The following BRI3 variants were observed in gnomAD, a reference collection of about 807,000 sequenced individuals.
The protein encoded by BRI3 is membrane protein BRI3.
A neutral mutation model predicts 12.8 loss-of-function variants in BRI3; 6 were observed. That is an observed-to-expected ratio of 0.47 (90% confidence interval 0.26 to 0.93). The LOEUF (loss-of-function observed/expected upper bound fraction) is 0.93. Among genes scored for constraint, BRI3 ranks in the 40% least tolerant of loss-of-function variants. BRI3 has a pLI of 0.15. For missense variants in BRI3, 134 were observed against 171.1 expected (o/e 0.78, Z 1.21); for synonymous variants, 91 against 76.1 (o/e 1.20, Z -1.02).
chr7:98,311,776 C>A (rs1254806095), downstream of BRI3, among the ~76,000 whole-genome samples: 2 of 151,862 alleles, frequency 1.3e-5, no homozygotes, highest in African/African-American at 4.8e-5. Flanking sequence ...CATGGTGGTG[C>A]GCCCCAGTAA....
At chr7:98,317,200 A>C in the BRI3 span, 1 of 1,614,008 alleles carries the variant, frequency 6.2e-7, no homozygotes, top group Non-Finnish European at 8.5e-7. Context: ...AGAAAACAAG[A>C]TATTGTTGAA....
chr7:98,281,930 C>T lies in BRI3; in HGVS notation c.135C>T (p.Leu45=), dbSNP rs370291662. 2.6e-4 allele frequency: 341 copies of T among 1,313,834 alleles called. 1 individual carries two copies. In the African/African-American group the frequency reaches 4.6e-3, roughly 18 times the overall value. 81.4% of individuals were successfully genotyped at this position (1,313,834 alleles called of 1,614,324 possible). Residue 45 remains leucine, a synonymous_variant, in exon 1 of 3, where the codon CTC becomes CTT. Transcript: ENST00000297290. ...AAPPPPPYPY[L]VTGIPTHHPR... ...CCCCGCCGCCGCCCTACCCCTACCT[C>T]GTCACAGGTGGGCCCGTAACCAACT...
At chr7:98,290,965 G>T (rs1280849917) in intron 2 of BRI3, 146 bp from the exon 3 acceptor site, 2 of 706,538 alleles carry the variant, frequency 2.8e-6, no homozygotes, top group Non-Finnish European at 4.3e-6. Context: ...GGGTGGTGGG[G>T]TGGGGGGCTG....
chr7:98,317,280 T>G, the BRI3 span: 1 of 1,614,198 alleles, frequency 6.2e-7, no homozygotes, highest in South Asian at 1.1e-5. Context: ...CCTTCTGATC[T>G]TCTTCAACTC....
the BRI3 span, among the ~76,000 whole-genome samples, chr7:98,318,970 G>A: frequency 1.1e-4 from 17 of 151,162 alleles, no homozygotes; most frequent in African/African-American, 3.4e-4. Context: ...AAAGAATGGT[G>A]TCTATGTTTT....
chr7:98,282,218 G>C, intron 1 of BRI3, 133 bp from the exon 2 acceptor site: 1 of 879,674 alleles, frequency 1.1e-6, no homozygotes, highest in Non-Finnish European at 1.7e-6. Context: ...CAGGCCCGCG[G>C]TGGCCGTCCC....
In BRI3 at chr7:98,282,004, G is replaced by A. The variant is rs539547405; in HGVS notation, c.142+67G>A. Reference sequence around the variant, plus strand: ...TGGCAAGCCCGGTCGGGGGACGTGGGTCCGGAGGCGGGTGGGGCCCGCCCG... The same window carrying A: ...TGGCAAGCCCGGTCGGGGGACGTGGATCCGGAGGCGGGTGGGGCCCGCCCG... On this transcript the variant is annotated intron_variant, in intron 1 of 2. Coordinates refer to ENST00000297290, the MANE Select transcript of BRI3 (RefSeq NM_015379.5). 179 of 1,303,086 alleles carry A rather than the reference G, an allele frequency of 1.4e-4. No individual in the cohort carries two copies. The East Asian group carries it at 5.1e-3, about 37-fold the overall frequency. 80.7% of individuals were successfully genotyped at this position (1,303,086 alleles called of 1,614,324 possible).
At chr7:98,283,330 G>A (rs555477113) in intron 2 of BRI3, among the ~76,000 whole-genome samples, 3 of 152,216 alleles carry the variant, frequency 2.0e-5, no homozygotes, top group South Asian at 2.1e-4. Flanking sequence ...GTGGAGTCAC[G>A]GGGAAGTGAG....
At chr7:98,304,254 G>GA, upstream of BRI3, 1 of 1,613,480 alleles carries the variant, frequency 6.2e-7, no homozygotes, top group Non-Finnish European at 8.5e-7. Flanking sequence ...CGTCCTGGCC[G>GA]AATCTGCTCT....
Position 98,291,258 on chromosome 7 carries a change from C to T in BRI3, c.*15C>T. 1.2e-6 allele frequency: 2 copies of T among 1,612,426 alleles called. No individual in the cohort carries two copies. The highest frequency in any genetic ancestry group is 1.7e-6 in the Non-Finnish European group (2 of 1,179,950). ...CCTTCGCTTAAAGGGAACACCAGGC[C>T]CGGCTTTCCTACACCCAGCTCTCTT... On this transcript the variant is annotated 3_prime_UTR_variant, in exon 3 of 3. Transcript: ENST00000297290.
chr7:98,318,422 G>T, the BRI3 span, among the ~76,000 whole-genome samples: 1 of 151,832 alleles, frequency 6.6e-6, no homozygotes, highest in Non-Finnish European at 1.5e-5. Flanking sequence ...TCCAGTAGCT[G>T]GGATTACAGG....
chr7:98,310,675 TA>T, downstream of BRI3: 1 of 984,038 alleles, frequency 1.0e-6, no homozygotes, highest in Non-Finnish European at 1.4e-6. Context: ...TTTTTTTTTT[TA>T]AATAATAGGC....
the BRI3 span, chr7:98,322,819 CA>C: frequency 6.6e-6 from 1 of 152,282 alleles, no homozygotes; most frequent in Non-Finnish European, 1.5e-5. Context: ...GGGATCTTTC[CA>C]AAATGCAGGC....
At chr7:98,315,610 A>G in the BRI3 span, 23 of 1,323,998 alleles carry the variant, frequency 1.7e-5, no homozygotes, top group Non-Finnish European at 2.3e-5. Context: ...CGGTCTCCAC[A>G]TACTAAAAAA....
At chr7:98,291,581 C>T (rs1799957565), downstream of BRI3, 2 of 1,065,562 alleles carry the variant, frequency 1.9e-6, no homozygotes, top group Non-Finnish European at 2.3e-6. Context: ...ACTGGAACGA[C>T]ACCCCCATCG....
chr7:98,289,015 C>T (rs1314609722), intron 2 of BRI3, among the ~76,000 whole-genome samples: 1 of 152,044 alleles, frequency 6.6e-6, no homozygotes, highest in East Asian at 1.9e-4. Context: ...GGCTAGAGTG[C>T]AGTGGCACGA....
upstream of BRI3, chr7:98,306,427 G>A (rs201317801): frequency 5.0e-6 from 8 of 1,614,156 alleles, no homozygotes; most frequent in African/African-American, 4.0e-5. Context: ...GCTCAGCCAC[G>A]TTCAGGGCTA....
At chr7:98,299,741 G>A (rs1800342309) in intron 1 of BRI3, among the ~76,000 whole-genome samples, 1 of 152,114 alleles carries the variant, frequency 6.6e-6, no homozygotes, top group Non-Finnish European at 1.5e-5. Context: ...GCTGTATATG[G>A]CTACTTAAAA....
chr7:98,310,661 CTGTT>C (rs1209109161), downstream of BRI3: 3 of 1,252,770 alleles, frequency 2.4e-6, no homozygotes, highest in Non-Finnish European at 3.2e-6. Context: ...ATTCCCAAGG[CTGTT>C]TTTTTTTTTT....
Sources: allele counts gnomAD v4.1 joint callset (sites outside exome capture counted in the v4.1 genomes callset), GRCh38; gene constraint gnomAD v4.1.1; transcripts MANE v1.5; gene names NCBI Gene and HGNC (gene_info 2026-07-23, HGNC 2026-07-21).